Variants in PDGFRB observed in about 807,000 individuals in gnomAD.
PDGFRB encodes the protein platelet derived growth factor receptor beta, also known as platelet-derived growth factor receptor beta.
A neutral mutation model predicts 120.2 loss-of-function variants in PDGFRB; 42 were observed. The observed-to-expected ratio is 0.35, with a 90% CI of 0.27 to 0.45. The LOEUF (loss-of-function observed/expected upper bound fraction) is 0.45, where lower values mean the gene tolerates loss of function less well. PDGFRB is among the 20% of genes least tolerant of loss of function. PDGFRB has a pLI of 1.00. For synonymous variants in PDGFRB, 586 were observed against 606.8 expected (o/e 0.97, Z 0.50); for missense variants, 1,149 against 1,476.3 (o/e 0.78, Z 3.63).
Position 150,121,889 on chromosome 5 carries a change from C to T in PDGFRB, c.2335G>A (p.Val779Ile), listed in dbSNP as rs758890727. Residue 779 changes from valine (V) to isoleucine (I), a missense_variant, in exon 16 of 23, where the codon GTT becomes ATT. This residue lies in a region of PDGFRB where 879 missense variants were observed against 1,108.6 expected (regional missense o/e 0.79). Coordinates refer to ENST00000261799, the MANE Select transcript of PDGFRB (RefSeq NM_002609.4). The surrounding 1 kb of genome is among the most constrained non-coding windows in gnomAD (Gnocchi z 4.1). ...SNYMAPYDNY[V>I]PSAPERTCRA... ...CACTATGTCCACCCACCAGAGGGAA[C>T]GTAGTTATCGTAAGGGGCCATGTAG... 22 of 1,612,334 alleles carry T rather than the reference C, an allele frequency of 1.4e-5. No homozygotes were observed. The highest frequency in any genetic ancestry group is 2.2e-5 in the East Asian group (1 of 44,880).
chr5:150,145,484 A>C (rs1760895213), intron 1 of PDGFRB, among the ~76,000 whole-genome samples: 1 of 152,232 alleles, frequency 6.6e-6, no homozygotes, highest in African/African-American at 2.4e-5. Context: ...TGATCTCACC[A>C]AGTCCTCAGA....
chr5:150,135,603 G>T lies in PDGFRB; in HGVS notation c.316C>A (p.Arg106Ser), dbSNP rs756405938. 1 of 1,613,620 alleles carries T rather than the reference G, an allele frequency of 6.2e-7. No homozygotes were observed. The highest frequency in any genetic ancestry group is 8.5e-7 in the Non-Finnish European group (1 of 1,179,620). Residue 106 changes from arginine to serine, a missense_variant, in exon 3 of 23, where the codon CGT becomes AGT. This residue lies in a region of PDGFRB where 879 missense variants were observed against 1,108.6 expected (regional missense o/e 0.79). Transcript: ENST00000261799. ...TTCCGCTCATCGGTCTCCAGTCCAC[G>T]GGAGTCATTGTGGGTGCAAAAGTAT... ...GEYFCTHNDS[R>S]GLETDERKRL... is the part of the protein sequence containing the mutation.
intron 15 of PDGFRB, 98 bp from the exon 16 acceptor site, chr5:150,122,138 C>A: frequency 2.3e-6 from 2 of 859,680 alleles, no homozygotes; most frequent in Non-Finnish European, 3.7e-6. Flanking sequence ...CACTCACACA[C>A]TCACTCATCT....
rs769938079 is a variant in PDGFRB at position 150,124,881 on chromosome 5, G to C, written c.1808-50C>G. ...TCCTGGCCTACCAGGAAGCTGCACC[G>C]CTCCCCCAGCTGCCCCCCTCCCCCC... On this transcript the variant is annotated intron_variant, in intron 12 of 22. Coordinates refer to ENST00000261799, the MANE Select transcript of PDGFRB (RefSeq NM_002609.4). 2.8e-5 allele frequency: 24 copies of C among 854,090 alleles called. No individual in the cohort carries two copies. The African/African-American group carries it at 3.7e-4, about 13-fold the overall frequency. 52.9% of individuals were successfully genotyped at this position (854,090 alleles called of 1,614,324 possible).
chr5:150,116,062 GCTCATTTAACT>G, intron 22 of PDGFRB, 116 bp from the exon 23 acceptor site: 1 of 840,030 alleles, frequency 1.2e-6, no homozygotes, highest in Admixed American at 3.3e-5. Flanking sequence ...ACACACTCCG[GCTCATTTAACT>G]CTTGTGAAAA....
In PDGFRB at chr5:150,135,894, T is replaced by G. The variant is rs1426149308; in HGVS notation, c.41-16A>C. The G allele has an allele frequency of 6.6e-7, 1 of 1,509,198 alleles. No homozygotes were observed. 93.5% of individuals were successfully genotyped at this position (1,509,198 alleles called of 1,614,324 possible). On this transcript the variant is annotated splice_polypyrimidine_tract_variant and intron_variant, in intron 2 of 22. Transcript: ENST00000261799. Reference sequence around the variant, plus strand: ...AGCAGCTCGCCTTTGGGAGAGGAGGTATCAGACATCAGGAAACAGGGGCTT... The same window carrying G: ...AGCAGCTCGCCTTTGGGAGAGGAGGGATCAGACATCAGGAAACAGGGGCTT...
At chr5:150,135,081 G>A in intron 3 of PDGFRB, 65 bp from the exon 4 acceptor site, 1 of 825,794 alleles carries the variant, frequency 1.2e-6, no homozygotes, top group South Asian at 1.6e-5. Flanking sequence ...CTGAATTGCT[G>A]TGTGGCAAGT....
intron 22 of PDGFRB, 71 bp downstream of exon 22, chr5:150,117,547 C>CGG: frequency 2.2e-6 from 1 of 447,406 alleles, no homozygotes; most frequent in Non-Finnish European, 3.4e-6. Context: ...CGCGCGCGCA[C>CGG]ACACACACAC....
At chr5:150,141,498 G>A (rs1176008526) in intron 1 of PDGFRB, among the ~76,000 whole-genome samples, 1 of 152,236 alleles carries the variant, frequency 6.6e-6, no homozygotes, top group Non-Finnish European at 1.5e-5. Context: ...TAGGAACACA[G>A]AGCCAGAAGG....
intron 19 of PDGFRB, 53 bp downstream of exon 19, chr5:150,119,959 C>T (rs1376314677): frequency 4.3e-6 from 4 of 923,064 alleles, no homozygotes; most frequent in East Asian, 4.8e-5. Context: ...CATGAGTGGT[C>T]GAGGTAGACA....
At chr5:150,126,427 A>G in intron 11 of PDGFRB, 93 bp downstream of exon 11, 1 of 780,974 alleles carries the variant, frequency 1.3e-6, no homozygotes, top group Non-Finnish European at 2.3e-6. Context: ...GCATGTGGCC[A>G]GATCACGCAG....
chr5:150,147,604 T>C (rs1760960443), intron 1 of PDGFRB, among the ~76,000 whole-genome samples: 1 of 152,190 alleles, frequency 6.6e-6, no homozygotes. Flanking sequence ...AACCCTTCAC[T>C]TATCAGTGCC....
intron 8 of PDGFRB, among the ~76,000 whole-genome samples, chr5:150,131,304 A>G (rs1481933062): frequency 6.6e-6 from 1 of 152,078 alleles, no homozygotes; most frequent in Non-Finnish European, 1.5e-5. Context: ...GCCCTGTTCC[A>G]ACCACACAAG....
At chr5:150,133,019 G>A in intron 6 of PDGFRB, 77 bp from the exon 7 acceptor site, 1 of 1,059,344 alleles carries the variant, frequency 9.4e-7, no homozygotes, top group Non-Finnish European at 1.4e-6. Context: ...CAGCCTGTGG[G>A]GTGGGGCTTC....
At chr5:150,137,412 C>T in intron 1 of PDGFRB, 1 of 204,648 alleles carries the variant, frequency 4.9e-6, no homozygotes, top group East Asian at 1.2e-4. Flanking sequence ...GCTCTGACAG[C>T]CTGTCCTCCG....
chr5:150,140,836 G>A (rs953708008), intron 1 of PDGFRB, among the ~76,000 whole-genome samples: 2 of 152,174 alleles, frequency 1.3e-5, no homozygotes, highest in African/African-American at 4.8e-5. Flanking sequence ...CATTCTCAGA[G>A]CCCCAGACTT....
At chr5:150,125,630 C>T (rs1442138789) in intron 11 of PDGFRB, 53 bp from the exon 12 acceptor site, 10 of 1,594,706 alleles carry the variant, frequency 6.3e-6, no homozygotes, top group Non-Finnish European at 8.6e-6. Flanking sequence ...AGGCCCTGAG[C>T]CCCATTAGGT....
intron 13 of PDGFRB, 83 bp downstream of exon 13, chr5:150,124,644 G>A: frequency 1.4e-6 from 1 of 692,588 alleles, no homozygotes; most frequent in Middle Eastern, 2.5e-4. Context: ...TCAGCATCAG[G>A]CCACCCTGGG....
At chr5:150,136,082 T>A (rs973018220) in intron 2 of PDGFRB, among the ~76,000 whole-genome samples, 1 of 152,174 alleles carries the variant, frequency 6.6e-6, no homozygotes, top group Non-Finnish European at 1.5e-5. Context: ...CTGGACTGCC[T>A]CTGTCAGTCC....
Sources: gnomAD v4.1 joint callset for allele counts (sites outside exome capture counted in the v4.1 genomes callset) on GRCh38, gnomAD v4.1.1 for gene constraint, gnomAD v4.1.1 regional missense constraint, Gnocchi (gnomAD v3.1) non-coding constraint, MANE v1.5 for transcripts, NCBI Gene and HGNC (gene_info 2026-07-23, HGNC 2026-07-21) for gene names.